TUBA8: variants seen among roughly 807,000 people sequenced by gnomAD.
TUBA8 encodes the protein tubulin alpha-8 chain.
A neutral mutation model predicts 34.7 loss-of-function variants in TUBA8; 29 were observed. That is an observed-to-expected ratio of 0.84 (90% CI 0.62 to 1.14). The LOEUF is 1.14. TUBA8 is among the 50% of genes most tolerant of loss of function. The probability of loss-of-function intolerance (pLI) is 0.00; values close to 1 mark genes in which losing one functional copy is unlikely to be tolerated. For synonymous variants in TUBA8, 226 were observed against 231.2 expected (o/e 0.98, Z 0.21); for missense variants, 541 against 599.2 (o/e 0.90, Z 1.01).
chr22:18,120,987 A>G, intron 1 of TUBA8: 1 of 171,940 alleles, frequency 5.8e-6, no homozygotes, highest in South Asian at 1.4e-4. Flanking sequence ...GCATACTTCC[A>G]GAGCATGTTC....
Position 18,126,407 on chromosome 22 carries a change from G to C in TUBA8, c.429G>C (p.Gly143=). 1 of 1,613,970 alleles carries C rather than the reference G, an allele frequency of 6.2e-7. No individual in the cohort carries two copies. Among genetic ancestry groups the C allele is most frequent in the Non-Finnish European group, 8.5e-7 (1 of 1,179,984 alleles). Residue 143 remains glycine (G), a synonymous_variant, in exon 4 of 5, where the codon GGG becomes GGC. Transcript: ENST00000330423. The surrounding 1 kb of genome is among the most constrained non-coding windows in gnomAD (Gnocchi z 4.0). ...TCCTGATTTTCCACAGTTTTGGTGG[G>C]GGCACTGGCTCCGGCTTCACTTCTC... The part of the protein sequence containing the change: ...QGFLIFHSFG[G]GTGSGFTSLL...
At chr22:18,117,631 C>G (rs138409028) in intron 1 of TUBA8, 2 of 151,882 alleles carry the variant, frequency 1.3e-5, no homozygotes, top group African/African-American at 4.8e-5. Context: ...AAAAATTAGC[C>G]GGGTGTGGTG....
chr22:18,122,339 G>C (rs1190224037), intron 2 of TUBA8: 1 of 153,920 alleles, frequency 6.5e-6, no homozygotes, highest in Non-Finnish European at 1.4e-5. Flanking sequence ...GAGATGGACA[G>C]TTCTGCAAAG....
At position 18,131,017 on chromosome 22, in the gene TUBA8, GA is replaced by G; in HGVS notation, c.1232del (p.Glu411GlyfsTer15). ...KRAFVHWYVG[E>X]GMEEGEFSEA... ...GGCCTTTGTGCATTGGTATGTGGGAGAGGGGATGGAAGAAGGAGAATTTTCT... is the reference window on the plus strand; with the variant it reads ...GGCCTTTGTGCATTGGTATGTGGGAGGGGGATGGAAGAAGGAGAATTTTCT... On this transcript the variant is annotated frameshift_variant, in exon 5 of 5. Transcript: ENST00000330423. LOFTEE classifies it high-confidence loss of function. The surrounding 1 kb of genome is among the most constrained non-coding windows in gnomAD (Gnocchi z 5.3). 1.2e-6 allele frequency: 2 copies of G among 1,614,226 alleles called. No individual in the cohort carries two copies. The highest frequency in any genetic ancestry group is 1.7e-6 in the Non-Finnish European group (2 of 1,180,046).
At position 18,127,018 on chromosome 22, in the gene TUBA8, G is replaced by A; in HGVS notation, c.1040G>A (p.Cys347Tyr). 1 of 1,614,176 alleles carries A rather than the reference G, an allele frequency of 6.2e-7. No individual in the cohort carries two copies. The highest frequency in any genetic ancestry group is 8.5e-7 in the Non-Finnish European group (1 of 1,180,034). ...AGGACCATCCAGTTTGTAGACTGGT[G>A]TCCCACAGGCTTCAAGGTGAGAGCT... ...TKRTIQFVDWCPTGFKVGINY... is the reference protein window; with the variant it reads ...TKRTIQFVDWYPTGFKVGINY... The change falls in exon 4 of 5, where the codon TGT becomes TAT. Residue 347 changes from cysteine (C) to tyrosine (Y), a missense_variant. Transcript: ENST00000330423.
chr22:18,130,720 C>T (rs1056974878), intron 4 of TUBA8, 123 bp from the exon 5 acceptor site: 7 of 1,304,426 alleles, frequency 5.4e-6, no homozygotes, highest in African/African-American at 1.5e-5. Flanking sequence ...TCCCATAGCC[C>T]CACTCCCACG....
At chr22:18,114,789 C>T (rs751850080) in intron 1 of TUBA8, 5 of 152,052 alleles carry the variant, frequency 3.3e-5, no homozygotes, top group African/African-American at 1.2e-4. Flanking sequence ...TGGTCCACGT[C>T]GGCCCCTCTC....
At position 18,126,393 on chromosome 22, in the gene TUBA8, C is replaced by G. The variant is rs761590792; in HGVS notation, c.415C>G (p.His139Asp). ...CSGLQGFLIF[H>D]SFGGGTGSGF... ...TGGCCTGCAGGGCTTCCTGATTTTC[C>G]ACAGTTTTGGTGGGGGCACTGGCTC... Residue 139 changes from histidine to aspartate, a missense_variant, in exon 4 of 5, where the codon CAC becomes GAC. By Grantham distance (81) the His-to-Asp change is moderately conservative (BLOSUM62 -1). Transcript: ENST00000330423. The surrounding 1 kb of genome is among the most constrained non-coding windows in gnomAD (Gnocchi z 4.0). 6.2e-7 allele frequency: 1 copy of G among 1,614,086 alleles called. No individual in the cohort carries two copies. Among genetic ancestry groups the G allele is most frequent in the South Asian group, 1.1e-5 (1 of 91,074 alleles).
chr22:18,122,003 T>C, intron 2 of TUBA8: 1 of 364,014 alleles, frequency 2.7e-6, no homozygotes, highest in Non-Finnish European at 5.1e-6. Context: ...CAAATAATTT[T>C]AGAAATTATA....
rs1398347560 is a variant in TUBA8, at chr22:18,121,787, C to G, written c.226+86C>G. The G allele has an allele frequency of 7.3e-7, 1 of 1,367,080 alleles. No homozygotes were observed. The highest frequency in any genetic ancestry group is 1.0e-6 in the Non-Finnish European group (1 of 979,136). 84.7% of individuals were successfully genotyped at this position (1,367,080 alleles called of 1,614,324 possible). A position where few individuals can be genotyped will look rare whatever the true frequency, so the allele number is the denominator to read the frequency against. ...CACAGTAGCTAAGGAAGCAGCGTCT[C>G]TAGCTGGAAGGTGGGGATGGTGCAA... On this transcript the variant is annotated intron_variant, in intron 2 of 4. Transcript: ENST00000330423. This position sits in a 1 kb window ranked among gnomAD's most constrained non-coding sequence, Gnocchi z 4.8.
rs754384721 is a variant in TUBA8, at chr22:18,130,941, G to A, written c.1155G>A (p.Ala385=). 59 of 1,614,040 alleles carry A rather than the reference G, an allele frequency of 3.7e-5. No individual in the cohort carries two copies. Among genetic ancestry groups the A allele is most frequent in the Admixed American group, 1.3e-4 (8 of 60,008 alleles). ...TGCTCAGCAACACCACGGCCATTGC[G>A]GAGGCCTGGGCCCGCCTCGACCACA... The part of the protein sequence containing the change: ...VCMLSNTTAI[A]EAWARLDHKF... Residue 385 remains alanine, a synonymous_variant, in exon 5 of 5, where the codon GCG becomes GCA. Transcript: ENST00000330423.
Position 18,110,924 on chromosome 22 carries a change from A to G in TUBA8, c.3+56A>G. The G allele has an allele frequency of 1.3e-6, 2 of 1,537,178 alleles. No individual in the cohort carries two copies. The highest frequency in any genetic ancestry group is 1.7e-6 in the Non-Finnish European group (2 of 1,148,286). On this transcript the variant is annotated intron_variant, in intron 1 of 4. Transcript: ENST00000330423. This position sits in a 1 kb window ranked among gnomAD's most constrained non-coding sequence, Gnocchi z 6.2. ...GGCGCGCGGCAGGCGTAGGACCGAGAGCCGAGTCTACGCGGAGGCGCACGG... is the reference window on the plus strand; with the variant it reads ...GGCGCGCGGCAGGCGTAGGACCGAGGGCCGAGTCTACGCGGAGGCGCACGG...
At position 18,131,244 on chromosome 22, in the gene TUBA8, C is replaced by G; in HGVS notation, c.*108C>G. 7.7e-7 allele frequency: 1 copy of G among 1,296,322 alleles called. No homozygotes were observed. Among genetic ancestry groups the G allele is most frequent in the South Asian group, 1.3e-5 (1 of 79,636 alleles). 80.3% of individuals were successfully genotyped at this position (1,296,322 alleles called of 1,614,324 possible). The stretch of plus-strand genomic sequence containing the variant: ...CCGCCCCAGCCTGATTCCTGCCTTA[C>G]CCAGGAGGAGGGTGCCTGGCCCCAG... On this transcript the variant is annotated 3_prime_UTR_variant, in exon 5 of 5. Coordinates refer to ENST00000330423, the MANE Select transcript of TUBA8 (RefSeq NM_018943.3). The surrounding 1 kb of genome is among the most constrained non-coding windows in gnomAD (Gnocchi z 5.3).
In TUBA8 at chr22:18,124,061, G is replaced by C. The variant is rs1928241372; in HGVS notation, c.227-95G>C. 1 of 1,494,810 alleles carries C rather than the reference G, an allele frequency of 6.7e-7. No homozygotes were observed. Among genetic ancestry groups the C allele is most frequent in the Admixed American group, 1.7e-5 (1 of 57,266 alleles). The allele number at this position is 1,494,810 out of a possible 1,614,324, so 92.6% of individuals were successfully genotyped here. A position where few individuals can be genotyped will look rare whatever the true frequency, so the allele number is the denominator to read the frequency against. ...CTTCAAACCTCCATGGAGTTTTATA[G>C]GTAGGGGAGAACGGAAGGGGTCCTG... On this transcript the variant is annotated intron_variant, in intron 2 of 4. Transcript: ENST00000330423. This position sits in a 1 kb window ranked among gnomAD's most constrained non-coding sequence, Gnocchi z 4.3.
chr22:18,110,817 G>C lies in TUBA8; in HGVS notation c.-49G>C. The C allele has an allele frequency of 6.5e-7, 1 of 1,537,558 alleles. No homozygotes were observed. The highest frequency in any genetic ancestry group is 8.7e-7 in the Non-Finnish European group (1 of 1,147,526). ...GAGGCGGCTGTATCTGGAGCAGTCG[G>C]GGCGGGCAGGCCCAGCTGAGAGGTG... is the stretch of plus-strand genomic sequence containing the variant. On this transcript the variant is annotated 5_prime_UTR_variant, in exon 1 of 5. Coordinates refer to ENST00000330423, the MANE Select transcript of TUBA8 (RefSeq NM_018943.3). The surrounding 1 kb of genome is among the most constrained non-coding windows in gnomAD (Gnocchi z 6.2).
Position 18,111,212 on chromosome 22 carries a change from G to C in TUBA8, c.3+344G>C. ...AGCCTGTGGACAGAGTGGAGAGAAG[G>C]GCGAGTCCGGGGATTCTGGATGGGT... On this transcript the variant is annotated intron_variant, in intron 1 of 4. Coordinates refer to ENST00000330423, the MANE Select transcript of TUBA8 (RefSeq NM_018943.3). The surrounding 1 kb of genome is among the most constrained non-coding windows in gnomAD (Gnocchi z 5.1). The C allele has an allele frequency of 4.7e-6, 2 of 429,438 alleles. No individual in the cohort carries two copies. The highest frequency in any genetic ancestry group is 8.3e-6 in the Non-Finnish European group (2 of 240,044). 26.6% of individuals were successfully genotyped at this position (429,438 alleles called of 1,614,324 possible). A position where few individuals can be genotyped will look rare whatever the true frequency, so the allele number is the denominator to read the frequency against.
At position 18,111,262 on chromosome 22, in the gene TUBA8, G is replaced by A. The variant is rs985095351; in HGVS notation, c.3+394G>A. ...TGGTCTGGGCCGGGGCGACTGGGGG[G>A]CCAGATGCAGTCACGTCTCCGAACC... On this transcript the variant is annotated intron_variant, in intron 1 of 4. Coordinates refer to ENST00000330423, the MANE Select transcript of TUBA8 (RefSeq NM_018943.3). The surrounding 1 kb of genome is among the most constrained non-coding windows in gnomAD (Gnocchi z 5.1). The A allele has an allele frequency of 1.7e-5, 5 of 298,806 alleles. No homozygotes were observed. Among genetic ancestry groups the A allele is most frequent in the African/African-American group, 8.8e-5 (4 of 45,674 alleles). 18.5% of individuals were successfully genotyped at this position (298,806 alleles called of 1,614,324 possible).
chr22:18,116,950 T>C (rs1294510628), intron 1 of TUBA8: 1 of 152,262 alleles, frequency 6.6e-6, no homozygotes, highest in Non-Finnish European at 1.5e-5. Flanking sequence ...TTGTGATTTC[T>C]TCATGGAACT....
In TUBA8 at chr22:18,119,883, G is replaced by A. The variant is rs1018164067; in HGVS notation, c.4-1596G>A. The A allele has an allele frequency of 6.6e-6, 1 of 152,262 alleles. No individual in the cohort carries two copies. Among genetic ancestry groups the A allele is most frequent in the Non-Finnish European group, 1.5e-5 (1 of 68,068 alleles). 9.4% of individuals were successfully genotyped at this position (152,262 alleles called of 1,614,324 possible). A position where few individuals can be genotyped will look rare whatever the true frequency, so the allele number is the denominator to read the frequency against. On this transcript the variant is annotated intron_variant, in intron 1 of 4. Coordinates refer to ENST00000330423, the MANE Select transcript of TUBA8 (RefSeq NM_018943.3). This position sits in a 1 kb window ranked among gnomAD's most constrained non-coding sequence, Gnocchi z 5.9. ...CCCAGCCGTGCCCTCTGGAGGCTCT[G>A]CCCCTGGCTTGGGTTACCCGGAGCT...
Sources: gnomAD v4.1 joint callset for allele counts on GRCh38, gnomAD v4.1.1 for gene constraint, Gnocchi (gnomAD v3.1) non-coding constraint, MANE v1.5 for transcripts, NCBI Gene and HGNC (gene_info 2026-07-23, HGNC 2026-07-21) for gene names.